EPM2A: variants seen among roughly 807,000 people sequenced by gnomAD.
EPM2A encodes the protein laforin.
A neutral mutation model predicts 26.5 loss-of-function variants in EPM2A; 21 were observed. The observed-to-expected ratio is 0.79, with a 90% confidence interval of 0.56 to 1.14. The LOEUF (loss-of-function observed/expected upper bound fraction) is 1.14, where lower values mean the gene tolerates loss of function less well. EPM2A is among the 50% of genes most tolerant of loss of function. EPM2A has a pLI of 0.00. For missense variants in EPM2A, 458 were observed against 440.8 expected, an observed-to-expected ratio of 1.04 and a Z score of -0.35; for synonymous variants, 217 against 177.6, an observed-to-expected ratio of 1.22 and a Z score of -1.76.
chr6:145,523,099 G>A (rs148117033), intron 2 of EPM2A, among the ~76,000 whole-genome samples: 9 of 152,198 alleles, frequency 5.9e-5, no homozygotes, highest in East Asian at 1.9e-4. Context: ...TTGAATTTGC[G>A]TGTTTTCTCT....
chr6:145,604,073 G>A (rs1781452141), intron 2 of EPM2A, among the ~76,000 whole-genome samples: 2 of 152,166 alleles, frequency 1.3e-5, no homozygotes, highest in African/African-American at 4.8e-5. Flanking sequence ...AAATACATAG[G>A]ATGAAAATGT....
At chr6:145,568,807 T>C (rs370902138) in intron 2 of EPM2A, among the ~76,000 whole-genome samples, 108 of 152,198 alleles carry the variant, frequency 7.1e-4, no homozygotes, top group African/African-American at 2.5e-3. Context: ...AGCAAGCCAA[T>C]AATAGGCAGT....
At chr6:145,404,202 C>G (rs966954448) in intron 4 of EPM2A, among the ~76,000 whole-genome samples, 1 of 152,012 alleles carries the variant, frequency 6.6e-6, no homozygotes, top group Non-Finnish European at 1.5e-5. Context: ...AATATTTTCT[C>G]CCATTCTGTG....
intron 2 of EPM2A, among the ~76,000 whole-genome samples, chr6:145,555,949 T>C (rs1780723189): frequency 6.6e-6 from 1 of 152,296 alleles, no homozygotes; most frequent in East Asian, 1.9e-4. Flanking sequence ...AGGACAGCTC[T>C]GTAATGGAGG....
intron 1 of EPM2A, among the ~76,000 whole-genome samples, chr6:145,726,776 A>G (rs762735596): frequency 1.3e-5 from 2 of 152,140 alleles, no homozygotes; most frequent in Non-Finnish European, 2.9e-5. Context: ...AGTCTGAGAA[A>G]CTATCACAGT....
chr6:145,572,196 T>C (rs6923074), intron 2 of EPM2A, among the ~76,000 whole-genome samples: 65,270 of 152,064 alleles, frequency 0.43, 14,571 homozygotes, highest in African/African-American at 0.52. Flanking sequence ...AAAGGGGCTA[T>C]AGTGCTGCAG....
At chr6:145,721,189 T>G (rs1420621488) in intron 1 of EPM2A, 1 of 152,146 alleles carries the variant, frequency 6.6e-6, no homozygotes, top group African/African-American at 2.4e-5. Context: ...AATCATTCCC[T>G]TAATTCTCTG....
At chr6:145,658,160 T>C (rs191422564) in intron 2 of EPM2A, among the ~76,000 whole-genome samples, 4 of 152,354 alleles carry the variant, frequency 2.6e-5, no homozygotes, top group African/African-American at 9.6e-5. Flanking sequence ...GCCAACAAGA[T>C]AAAATACTTT....
chr6:145,688,614 A>G (rs1000685065), intron 1 of EPM2A, among the ~76,000 whole-genome samples: 1 of 152,182 alleles, frequency 6.6e-6, no homozygotes, highest in Admixed American at 6.5e-5. Context: ...AAAAATAAAT[A>G]TATGAGTAAT....
At chr6:145,583,832 G>A (rs915259357) in intron 2 of EPM2A, among the ~76,000 whole-genome samples, 1 of 152,256 alleles carries the variant, frequency 6.6e-6, no homozygotes, top group Non-Finnish European at 1.5e-5. Context: ...ACCAGTGGCA[G>A]TGGCAGCACA....
Position 145,406,141 on chromosome 6 carries a change from A to G in EPM2A, c.556-22044T>C, listed in dbSNP as rs184613444. Among the ~76,000 whole-genome samples, 55 of 152,188 alleles carry G rather than the reference A, an allele frequency of 3.6e-4. 1 individual carries two copies. In the East Asian group the frequency reaches 9.3e-3, roughly 26 times the overall value. On this transcript the variant is annotated intron_variant, in intron 4 of 4. Coordinates refer to the EPM2A transcript ENST00000638717. The stretch of plus-strand genomic sequence containing the variant: ...GCTCTGAAATAATATTCAATACTCA[A>G]TAGTTAAAGGCTGCTGCCACCAAAG...
chr6:145,517,404 G>C (rs1267899304), intron 2 of EPM2A, among the ~76,000 whole-genome samples: 1 of 152,020 alleles, frequency 6.6e-6, no homozygotes, highest in Admixed American at 6.6e-5. Flanking sequence ...CAAACAAAAA[G>C]GGTCACCTCA....
Position 145,627,493 on chromosome 6 carries a change from C to T in EPM2A, c.919G>A (p.Glu307Lys), listed in dbSNP as rs754779408. 8.1e-5 allele frequency: 131 copies of T among 1,614,140 alleles called. No homozygotes were observed. The highest frequency in any genetic ancestry group is 1.0e-4 in the Non-Finnish European group (118 of 1,180,054). Residue 307 changes from glutamate to lysine, a missense_variant, in exon 4 of 4, where the codon GAA (glutamate) becomes AAA (lysine). Physicochemically the swap from Glu to Lys is moderately conservative, Grantham distance 56 (BLOSUM62 1). Transcript: ENST00000367519. Reference sequence around the variant, plus strand: ...TCTTGTGCCCGGGCCAAGGCCTCTTCGTCAATGTAGACAGCCGGCCTCTTG... The same window carrying T: ...TCTTGTGCCCGGGCCAAGGCCTCTTTGTCAATGTAGACAGCCGGCCTCTTG... ...MAKRPAVYIDEEALARAQEDF... is the reference protein window; with the variant it reads ...MAKRPAVYIDKEALARAQEDF...
chr6:145,441,897 T>G (rs1053326344), intron 4 of EPM2A, among the ~76,000 whole-genome samples: 1 of 151,992 alleles, frequency 6.6e-6, no homozygotes, highest in African/African-American at 2.4e-5. Context: ...AAACAAAAAC[T>G]GAATGCCTTT....
chr6:145,477,053 ACT>A (rs1400151093), intron 4 of EPM2A, among the ~76,000 whole-genome samples: 2 of 151,910 alleles, frequency 1.3e-5, no homozygotes, highest in Non-Finnish European at 2.9e-5. Flanking sequence ...TTTCAGCCAG[ACT>A]AAGAAAAAAA....
At chr6:145,395,144 A>C (rs2114661330) in intron 4 of EPM2A, among the ~76,000 whole-genome samples, 1 of 152,170 alleles carries the variant, frequency 6.6e-6, no homozygotes, top group East Asian at 1.9e-4. Flanking sequence ...ACTATCAAGC[A>C]GCAGCTTGGA....
intron 4 of EPM2A, chr6:145,489,703 C>G: frequency 1.4e-6 from 2 of 1,419,418 alleles, no homozygotes; most frequent in Non-Finnish European, 2.0e-6. Context: ...TGTTGGCTTG[C>G]TCTCTAATCC....
chr6:145,490,024 T>G, intron 4 of EPM2A: 5 of 1,341,406 alleles, frequency 3.7e-6, no homozygotes, highest in Non-Finnish European at 5.2e-6. Context: ...CCACAGTCAC[T>G]TGTGCTGAAT....
At chr6:145,584,767 C>T (rs928437675) in intron 2 of EPM2A, among the ~76,000 whole-genome samples, 2 of 152,130 alleles carry the variant, frequency 1.3e-5, no homozygotes, top group Non-Finnish European at 2.9e-5. Flanking sequence ...TTCCCAGCTT[C>T]CTTCCCCTTC....
Sources: gnomAD v4.1 joint callset for allele counts (sites outside exome capture counted in the v4.1 genomes callset) on GRCh38, gnomAD v4.1.1 for gene constraint, MANE v1.5 for transcripts, NCBI Gene and HGNC (gene_info 2026-07-23, HGNC 2026-07-21) for gene names.